The following POC1A variants were observed in gnomAD, a reference collection of about 807,000 sequenced individuals.
POC1A encodes POC1 centriolar protein homolog A.
POC1A carries 34 observed loss-of-function variants against 47.8 expected under a neutral mutation model. That is an observed-to-expected ratio of 0.71 (90% CI 0.54 to 0.95). POC1A has a LOEUF of 0.95. Ranked by LOEUF, POC1A falls within the 40% of genes least tolerant of loss-of-function variation. The pLI, the probability that POC1A is intolerant of heterozygous loss-of-function variation, is 0.00. For synonymous variants in POC1A, 177 were observed against 207.6 expected, an observed-to-expected ratio of 0.85 and a Z score of 1.27; for missense variants, 466 against 528.3, an observed-to-expected ratio of 0.88 and a Z score of 1.16.
intron 9 of POC1A, among the ~76,000 whole-genome samples, chr3:52,106,589 G>T (rs535585087): frequency 6.6e-6 from 1 of 152,336 alleles, no homozygotes; most frequent in East Asian, 1.9e-4. Context: ...CTGCATGCCT[G>T]ACCAACCCCT....
chr3:52,096,424 G>C (rs926141867), intron 10 of POC1A, 145 bp downstream of exon 10: 5 of 715,994 alleles, frequency 7.0e-6, no homozygotes, highest in Non-Finnish European at 1.1e-5. Context: ...GGAAGGCTCT[G>C]CAATGTCATT....
At position 52,145,858 on chromosome 3, in the gene POC1A, G is replaced by A. The variant is rs750638255; in HGVS notation, c.667C>T (p.Gln223Ter). ...VWDVRTHRLLQHYQLHSAAVN... is the reference protein window; with the variant it reads ...VWDVRTHRLL ...GTTCACCACTCACACTGATAATGCT[G>A]CAGCAGCCGGTGAGTCCGCACGTCC... The change falls in exon 6 of 11, where the codon CAG becomes TAG. Residue 223 changes from glutamine (Q) to a stop codon, truncating the protein, a stop_gained. Transcript: ENST00000296484. LOFTEE classifies it high-confidence loss of function. 7.4e-6 allele frequency: 12 copies of A among 1,611,574 alleles called. No homozygotes were observed. Among genetic ancestry groups the A allele is most frequent in the Admixed American group, 1.7e-5 (1 of 59,990 alleles).
At chr3:52,131,999 T>G (rs560008565) in intron 7 of POC1A, among the ~76,000 whole-genome samples, 6 of 152,176 alleles carry the variant, frequency 3.9e-5, no homozygotes, top group African/African-American at 1.4e-4. Context: ...CAACAGAAAC[T>G]TCTAATGCCC....
At chr3:52,099,332 T>G (rs755777621) in intron 9 of POC1A, among the ~76,000 whole-genome samples, 18 of 152,316 alleles carry the variant, frequency 1.2e-4, no homozygotes, top group East Asian at 3.9e-4. Context: ...TCTGGAGCTG[T>G]GGCATTTCCC....
intron 9 of POC1A, among the ~76,000 whole-genome samples, chr3:52,117,839 T>C (rs537029789): frequency 6.6e-6 from 1 of 152,252 alleles, no homozygotes; most frequent in African/African-American, 2.4e-5. Flanking sequence ...AGCAAATGCA[T>C]TTTTGCTATT....
intron 7 of POC1A, among the ~76,000 whole-genome samples, chr3:52,136,685 C>G (rs968030694): frequency 1.3e-5 from 2 of 152,188 alleles, no homozygotes; most frequent in African/African-American, 4.8e-5. Flanking sequence ...GTTCCCATAT[C>G]TCTAGATTTA....
At chr3:52,117,784 A>G (rs1489409791) in intron 9 of POC1A, among the ~76,000 whole-genome samples, 1 of 152,150 alleles carries the variant, frequency 6.6e-6, no homozygotes, top group Non-Finnish European at 1.5e-5. Context: ...CCATTGCATA[A>G]TGGGCCCTCA....
intron 4 of POC1A, among the ~76,000 whole-genome samples, chr3:52,148,269 C>A (rs1259335733): frequency 1.3e-5 from 2 of 152,220 alleles, no homozygotes; most frequent in Non-Finnish European, 2.9e-5. Flanking sequence ...GCTGGCCTGG[C>A]CCCTCCTGAT....
intron 9 of POC1A, among the ~76,000 whole-genome samples, chr3:52,098,530 G>A (rs1702893614): frequency 6.6e-6 from 1 of 152,220 alleles, no homozygotes. Flanking sequence ...AGCGGCCATG[G>A]CACTCCAAGC....
At chr3:52,103,606 C>CTGTAATGTTTCCTGTAAAACATTTT (rs1703071408) in intron 9 of POC1A, among the ~76,000 whole-genome samples, 2 of 152,122 alleles carry the variant, frequency 1.3e-5, no homozygotes, top group Non-Finnish European at 2.9e-5. Flanking sequence ...CATAGAAAAT[C>CTGTAATGTTTCCTGTAAAACATTTT]TCTGTGACCT....
intron 8 of POC1A, among the ~76,000 whole-genome samples, chr3:52,122,752 T>C (rs1392357899): frequency 6.6e-6 from 1 of 152,202 alleles, no homozygotes; most frequent in Non-Finnish European, 1.5e-5. Context: ...CTCCCTAGGG[T>C]GTCACAGGCC....
At chr3:52,095,367 T>C (rs1034615396) in intron 10 of POC1A, among the ~76,000 whole-genome samples, 5 of 152,168 alleles carry the variant, frequency 3.3e-5, no homozygotes, top group Non-Finnish European at 7.4e-5. Context: ...AGCTGGGCTA[T>C]GATGACACAC....
intron 7 of POC1A, among the ~76,000 whole-genome samples, chr3:52,128,451 T>C (rs1163899104): frequency 6.6e-6 from 1 of 152,070 alleles, no homozygotes; most frequent in Non-Finnish European, 1.5e-5. Flanking sequence ...TGTGTGGATC[T>C]GCAGTCCTCC....
intron 6 of POC1A, among the ~76,000 whole-genome samples, chr3:52,140,532 C>A (rs374957778): frequency 6.6e-6 from 1 of 152,220 alleles, no homozygotes. Context: ...GGATGCCACA[C>A]CAGGGGCCCC....
intron 10 of POC1A, among the ~76,000 whole-genome samples, chr3:52,083,999 C>G (rs1702381919): frequency 6.6e-6 from 1 of 152,218 alleles, no homozygotes; most frequent in Admixed American, 6.5e-5. Context: ...CAGAAGGGAA[C>G]AGAGAAGCCT....
chr3:52,077,751 A>G (rs1486343724), intron 10 of POC1A, among the ~76,000 whole-genome samples: 1 of 152,050 alleles, frequency 6.6e-6, no homozygotes, highest in Admixed American at 6.5e-5. Context: ...CGATGGCCCC[A>G]AACTCAAGGC....
intron 6 of POC1A, 114 bp from the exon 7 acceptor site, chr3:52,138,416 T>C: frequency 1.9e-6 from 2 of 1,064,596 alleles, no homozygotes; most frequent in Non-Finnish European, 2.8e-6. Context: ...TGGGGCTGGG[T>C]CAGGATGGTC....
chr3:52,098,912 G>A (rs184352127), intron 9 of POC1A, among the ~76,000 whole-genome samples: 1 of 152,132 alleles, frequency 6.6e-6, no homozygotes, highest in East Asian at 1.9e-4. Context: ...ATGGACCCTT[G>A]GGCTCAAAGA....
chr3:52,154,012 C>T (rs1698639935), intron 1 of POC1A, among the ~76,000 whole-genome samples: 1 of 152,276 alleles, frequency 6.6e-6, no homozygotes, highest in South Asian at 2.1e-4. Context: ...CCCACGCAGC[C>T]ACCCACTGCT....
Sources: allele counts gnomAD v4.1 joint callset (sites outside exome capture counted in the v4.1 genomes callset), GRCh38; gene constraint gnomAD v4.1.1; transcripts MANE v1.5; gene names NCBI Gene and HGNC (gene_info 2026-07-23, HGNC 2026-07-21).